The following TMEM117 variants were observed in gnomAD, a reference collection of about 807,000 sequenced individuals.
TMEM117 encodes the protein transmembrane protein 117.
Under a neutral mutation model 52.4 loss-of-function variants are expected in TMEM117, and 27 were observed. The observed-to-expected ratio is 0.51, with a 90% CI of 0.38 to 0.71. The LOEUF is 0.71. Ranked by LOEUF, TMEM117 falls within the 30% of genes least tolerant of loss-of-function variation. The pLI, the probability that TMEM117 is intolerant of heterozygous loss-of-function variation, is 0.00. For missense variants in TMEM117, 556 were observed against 630.5 expected, an observed-to-expected ratio of 0.88 and a Z score of 1.26; for synonymous variants, 215 against 206.3, an observed-to-expected ratio of 1.04 and a Z score of -0.36.
intron 3 of TMEM117, among the ~76,000 whole-genome samples, chr12:43,955,175 A>G (rs539663495): frequency 2.0e-5 from 3 of 152,154 alleles, no homozygotes; most frequent in Non-Finnish European, 4.4e-5. Context: ...AGTCAATAAC[A>G]TATCAATAAC....
chr12:44,030,824 G>A (rs574274201), intron 3 of TMEM117, among the ~76,000 whole-genome samples: 4 of 152,302 alleles, frequency 2.6e-5, no homozygotes, highest in Admixed American at 2.6e-4. Flanking sequence ...TAGAAGGTTT[G>A]TGAGAAGTTA....
chr12:44,357,570 C>T (rs759402553), intron 6 of TMEM117, among the ~76,000 whole-genome samples: 9 of 152,052 alleles, frequency 5.9e-5, no homozygotes, highest in African/African-American at 1.7e-4. Flanking sequence ...AAAATGGTAG[C>T]GTTTCCATGT....
intron 4 of TMEM117, among the ~76,000 whole-genome samples, chr12:44,170,503 C>T (rs944818480): frequency 1.8e-4 from 28 of 152,096 alleles, no homozygotes; most frequent in Non-Finnish European, 3.4e-4. Flanking sequence ...TGAAGCTTTT[C>T]CCTGCTTTGT....
intron 3 of TMEM117, among the ~76,000 whole-genome samples, chr12:44,008,238 A>T (rs549648965): frequency 3.9e-5 from 6 of 152,018 alleles, no homozygotes; most frequent in African/African-American, 1.4e-4. Context: ...GGGCCCAAAT[A>T]CTCTTACTTT....
chr12:43,810,969 A>T, the TMEM117 span, among the ~76,000 whole-genome samples: 1 of 152,232 alleles, frequency 6.6e-6, no homozygotes, highest in East Asian at 1.9e-4. Context: ...ATCCCAGAAA[A>T]AGAACTGTTC....
chr12:44,203,619 G>A (rs746197728), intron 4 of TMEM117, among the ~76,000 whole-genome samples: 67 of 152,074 alleles, frequency 4.4e-4, no homozygotes, highest in Non-Finnish European at 7.9e-4. Flanking sequence ...CACTGCCTTA[G>A]CTTTGTCCTA....
chr12:44,001,430 C>T (rs1946115165), intron 3 of TMEM117, among the ~76,000 whole-genome samples: 1 of 152,112 alleles, frequency 6.6e-6, no homozygotes, highest in Non-Finnish European at 1.5e-5. Context: ...TGCCAGTTTT[C>T]TGGCCCTACT....
the TMEM117 span, among the ~76,000 whole-genome samples, chr12:44,394,903 C>T: frequency 6.6e-6 from 1 of 152,230 alleles, no homozygotes; most frequent in Non-Finnish European, 1.5e-5. Flanking sequence ...CAGGGCAACA[C>T]TTCAGCCAAG....
chr12:44,187,897 A>C (rs1188174748), intron 4 of TMEM117, among the ~76,000 whole-genome samples: 2 of 152,128 alleles, frequency 1.3e-5, no homozygotes, highest in Non-Finnish European at 2.9e-5. Flanking sequence ...ACTACCTCTA[A>C]GGAAGAATGG....
At chr12:44,167,075 G>A (rs991200527) in intron 4 of TMEM117, among the ~76,000 whole-genome samples, 2 of 152,152 alleles carry the variant, frequency 1.3e-5, no homozygotes, top group Non-Finnish European at 2.9e-5. Flanking sequence ...TCACAGAAGT[G>A]TAGTATACAT....
chr12:44,019,315 A>ACCT (rs1365790598), intron 3 of TMEM117, among the ~76,000 whole-genome samples: 2 of 151,990 alleles, frequency 1.3e-5, no homozygotes, highest in Non-Finnish European at 2.9e-5. Context: ...AAGACTAGTC[A>ACCT]CAGTCAATTC....
intron 5 of TMEM117, among the ~76,000 whole-genome samples, chr12:44,282,148 TC>T (rs1950585062): frequency 6.6e-6 from 1 of 152,148 alleles, no homozygotes; most frequent in African/African-American, 2.4e-5. Flanking sequence ...GCCTTTCGCC[TC>T]CCACCATGAT....
chr12:44,161,135 A>G (rs754740838), intron 4 of TMEM117, among the ~76,000 whole-genome samples: 8 of 152,184 alleles, frequency 5.3e-5, no homozygotes, highest in South Asian at 2.1e-4. Context: ...ATCAAAATAC[A>G]TATTTCTCTT....
chr12:43,869,738 T>C (rs1033556713), intron 2 of TMEM117, among the ~76,000 whole-genome samples: 3 of 152,246 alleles, frequency 2.0e-5, no homozygotes, highest in African/African-American at 7.2e-5. Context: ...TCTCTACATT[T>C]TTTTTAAAAT....
At position 44,214,138 on chromosome 12, in the gene TMEM117, A is replaced by ATTT. The variant is rs773352634; in HGVS notation, c.608+2775_608+2777dup. ...CAATGTCTTACAAATTTTTTTTTTAATTTTTTTTTTTTTTTTTTTTTTTTT... is the reference window on the plus strand; with the variant it reads ...CAATGTCTTACAAATTTTTTTTTTAATTTTTTTTTTTTTTTTTTTTTTTTTTTT... On this transcript the variant is annotated intron_variant, in intron 5 of 7. Transcript: ENST00000266534. 2.3e-3 allele frequency among the ~76,000 whole-genome samples: 233 copies of ATTT among 99,268 alleles called. 4 individuals carry two copies. The highest frequency in any genetic ancestry group is 6.4e-3 in the South Asian group (16 of 2,500). The allele number at this position is 99,268 out of a possible 152,430, so 65.1% of individuals were successfully genotyped here. A position where few individuals can be genotyped will look rare whatever the true frequency, so the allele number is the denominator to read the frequency against.
intron 5 of TMEM117, among the ~76,000 whole-genome samples, chr12:44,250,720 C>T (rs915629616): frequency 6.6e-6 from 1 of 152,172 alleles, no homozygotes; most frequent in East Asian, 1.9e-4. Flanking sequence ...CCATCATTCT[C>T]AGCAAACTAA....
At chr12:44,251,107 G>A (rs959405251) in intron 5 of TMEM117, among the ~76,000 whole-genome samples, 17 of 152,154 alleles carry the variant, frequency 1.1e-4, no homozygotes, top group Non-Finnish European at 2.1e-4. Flanking sequence ...CCAAGATGCC[G>A]TGGTGTCATA....
chr12:43,913,168 A>G (rs1473664758), intron 2 of TMEM117, among the ~76,000 whole-genome samples: 3 of 152,162 alleles, frequency 2.0e-5, no homozygotes, highest in African/African-American at 7.2e-5. Flanking sequence ...AGGGATTTGT[A>G]GGCTTCTGGA....
At chr12:44,107,650 T>C (rs1947982347) in intron 3 of TMEM117, among the ~76,000 whole-genome samples, 1 of 152,132 alleles carries the variant, frequency 6.6e-6, no homozygotes, top group Non-Finnish European at 1.5e-5. Flanking sequence ...ATGAAGAATA[T>C]ATAAAATATT....
Sources: allele counts gnomAD v4.1 joint callset (sites outside exome capture counted in the v4.1 genomes callset), GRCh38; gene constraint gnomAD v4.1.1; transcripts MANE v1.5; gene names NCBI Gene and HGNC (gene_info 2026-07-23, HGNC 2026-07-21).